FMO3: variants seen among roughly 807,000 people sequenced by gnomAD.
The protein encoded by FMO3 is flavin containing dimethylaniline monoxygenase 3, also known as flavin-containing monooxygenase 3.
A neutral mutation model predicts 39.4 loss-of-function variants in FMO3; 40 were observed. The ratio of observed to expected loss-of-function variants is 1.02; its 90% CI spans 0.79 to 1.32. FMO3 has a LOEUF of 1.32. FMO3 is among the 40% of genes most tolerant of loss of function. The pLI is 0.00. For synonymous variants in FMO3, 219 were observed against 228.8 expected, an observed-to-expected ratio of 0.96 and a Z score of 0.39; for missense variants, 680 against 651.8, an observed-to-expected ratio of 1.04 and a Z score of -0.47.
chr1:171,098,811 GA>G lies in FMO3; in HGVS notation c.133-4972del, dbSNP rs1293276425. On this transcript the variant is annotated intron_variant, in intron 2 of 8. Coordinates refer to ENST00000367755, the MANE Select transcript of FMO3 (RefSeq NM_001002294.3). ...TTCTCCTGCCTGATTTCCCTGGCCA[GA>G]ACTTCCAACACTATGTTGAATAGGA... is the stretch of plus-strand genomic sequence containing the variant. Among the ~76,000 whole-genome samples the G allele has an allele frequency of 2.6e-5, 4 of 152,158 alleles. No homozygotes were observed. The East Asian group carries it at 7.7e-4, about 29-fold the overall frequency.
At chr1:171,111,241 C>T (rs1277163017) in intron 6 of FMO3, among the ~76,000 whole-genome samples, 2 of 152,082 alleles carry the variant, frequency 1.3e-5, no homozygotes, top group African/African-American at 4.8e-5. Flanking sequence ...TCAAAGTTAA[C>T]CTCTTTTAAG....
chr1:171,095,601 A>C lies in FMO3; in HGVS notation c.132+2811A>C, dbSNP rs1016543546. 2.0e-5 allele frequency among the ~76,000 whole-genome samples: 3 copies of C among 151,070 alleles called. No individual in the cohort carries two copies. The Admixed American group carries it at 2.0e-4, about 10-fold the overall frequency. On this transcript the variant is annotated intron_variant, in intron 2 of 8. Transcript: ENST00000367755. ...ATGAAAAGGTTGTATTTAATGAAAC[A>C]GTGTCTGTAACAGCTGTTTAAATAT...
chr1:171,095,984 ATTTT>A, intron 2 of FMO3, among the ~76,000 whole-genome samples: 1 of 16,720 alleles, frequency 6.0e-5, no homozygotes, highest in African/African-American at 2.3e-4. Context: ...ATATAGATAT[ATTTT>A]ATATATTTTT....
chr1:171,113,834 C>T (rs1055261651), intron 6 of FMO3, among the ~76,000 whole-genome samples, 173 bp from the exon 7 acceptor site: 10 of 152,266 alleles, frequency 6.6e-5, no homozygotes, highest in African/African-American at 2.4e-4. Flanking sequence ...ACTTCTCTTA[C>T]TTCCCAATGT....
intron 2 of FMO3, chr1:171,101,832 TA>T: frequency 2.3e-6 from 1 of 442,534 alleles, no homozygotes. Flanking sequence ...CCCCAAACAA[TA>T]AATCAGTAAA....
chr1:171,108,329 A>G (rs1170537532), intron 5 of FMO3, 108 bp downstream of exon 5: 1 of 1,329,666 alleles, frequency 7.5e-7, no homozygotes, highest in Non-Finnish European at 1.1e-6. Flanking sequence ...TATCTGATGT[A>G]AAGACTAAGT....
At chr1:171,095,177 G>A (rs1007069001) in intron 2 of FMO3, among the ~76,000 whole-genome samples, 1 of 152,022 alleles carries the variant, frequency 6.6e-6, no homozygotes, top group Non-Finnish European at 1.5e-5. Context: ...CATTGTTGTT[G>A]GCTTTTCCCA....
At chr1:171,115,975 A>G (rs1656127830) in intron 7 of FMO3, among the ~76,000 whole-genome samples, 2 of 152,254 alleles carry the variant, frequency 1.3e-5, no homozygotes, top group Non-Finnish European at 2.9e-5. Context: ...AAATATATCT[A>G]TGAAACTGTT....
chr1:171,109,853 C>A (rs991231553), intron 5 of FMO3, among the ~76,000 whole-genome samples: 1 of 152,028 alleles, frequency 6.6e-6, no homozygotes, highest in African/African-American at 2.4e-5. Flanking sequence ...CCTTTAGTCT[C>A]TTCTTGTCTA....
rs1050036270 is a variant in FMO3 at position 171,102,193 on chromosome 1, C to T, written c.133-1592C>T. 3.9e-5 allele frequency among the ~76,000 whole-genome samples: 6 copies of T among 152,088 alleles called. No individual in the cohort carries two copies. In the East Asian group the frequency reaches 5.8e-4, roughly 15 times the overall value. On this transcript the variant is annotated intron_variant, in intron 2 of 8. Transcript: ENST00000367755. ...AAACTGCAGCCACATTGGCTTTTGA[C>T]GTGATTGTAATATTCCAATATTATA...
At chr1:171,104,955 G>A (rs752996008) in intron 3 of FMO3, among the ~76,000 whole-genome samples, 17 of 152,010 alleles carry the variant, frequency 1.1e-4, no homozygotes, top group East Asian at 3.9e-4. Context: ...ATAATATTGC[G>A]AAGGAAAGGA....
chr1:171,116,349 A>G (rs929903275), intron 8 of FMO3, 69 bp downstream of exon 8: 1 of 839,294 alleles, frequency 1.2e-6, no homozygotes, highest in Non-Finnish European at 2.0e-6. Flanking sequence ...AATGCTTGGA[A>G]CTGTTTTAAT....
chr1:171,108,362 C>T lies in FMO3; in HGVS notation c.627+141C>T, dbSNP rs944050600. The T allele has an allele frequency of 1.3e-4, 89 of 672,652 alleles. 1 individual carries two copies. Among genetic ancestry groups the T allele is most frequent in the South Asian group, 1.2e-3 (71 of 60,756 alleles). 41.7% of individuals were successfully genotyped at this position (672,652 alleles called of 1,614,324 possible). A position where few individuals can be genotyped will look rare whatever the true frequency, so the allele number is the denominator to read the frequency against. On this transcript the variant is annotated intron_variant, in intron 5 of 8. Coordinates refer to ENST00000367755, the MANE Select transcript of FMO3 (RefSeq NM_001002294.3). Reference sequence around the variant, plus strand: ...AGTGGTATTTCACATAGCTGAGCTTCCCCAAGTAACAGGTGAGGTTTTAAA... The same window carrying T: ...AGTGGTATTTCACATAGCTGAGCTTTCCCAAGTAACAGGTGAGGTTTTAAA...
chr1:171,093,598 C>G (rs920028199), intron 2 of FMO3, among the ~76,000 whole-genome samples: 2 of 151,678 alleles, frequency 1.3e-5, no homozygotes, highest in African/African-American at 4.9e-5. Flanking sequence ...TATTGGACAA[C>G]AAGGTTGATT....
chr1:171,096,271 A>T (rs1202675047), intron 2 of FMO3, among the ~76,000 whole-genome samples: 1 of 51,888 alleles, frequency 1.9e-5, no homozygotes, highest in Non-Finnish European at 3.0e-5. Flanking sequence ...TATATATATA[A>T]ATATTATATA....
intron 2 of FMO3, among the ~76,000 whole-genome samples, chr1:171,094,944 T>C (rs889294875): frequency 3.9e-5 from 6 of 152,212 alleles, no homozygotes; most frequent in Non-Finnish European, 8.8e-5. Flanking sequence ...CATATGAATT[T>C]TTAGAATTGT....
Position 171,117,616 on chromosome 1 carries a change from T to C in FMO3, c.*174T>C, listed in dbSNP as rs1481101709. On this transcript the variant is annotated 3_prime_UTR_variant, in exon 9 of 9. Transcript: ENST00000367755. ...TTTCTAGGCTCTGAAATAGCCACTT[T>C]AAGAATCATGTCATGATCTTAAGAG... is the stretch of plus-strand genomic sequence containing the variant. 1 of 579,004 alleles carries C rather than the reference T, an allele frequency of 1.7e-6. No individual in the cohort carries two copies. The highest frequency in any genetic ancestry group is 3.0e-6 in the Non-Finnish European group (1 of 329,626). 35.9% of individuals were successfully genotyped at this position (579,004 alleles called of 1,614,324 possible). A position where few individuals can be genotyped will look rare whatever the true frequency, so the allele number is the denominator to read the frequency against.
intron 6 of FMO3, 82 bp from the exon 7 acceptor site, chr1:171,113,921 TTTCC>T (rs1177134241): frequency 3.0e-6 from 3 of 1,001,186 alleles, no homozygotes; most frequent in South Asian, 1.7e-5. Context: ...TGGGTCATTT[TTTCC>T]TTCCTTATCA....
chr1:171,117,649 A>C lies in FMO3; in HGVS notation c.*207A>C. The C allele has an allele frequency of 2.1e-6, 1 of 481,290 alleles. No individual in the cohort carries two copies. The highest frequency in any genetic ancestry group is 3.7e-6 in the Non-Finnish European group (1 of 273,284). The allele number at this position is 481,290 out of a possible 1,614,324, so 29.8% of individuals were successfully genotyped here. ...ATGTCATGATCTTAAGAGAGCACTA[A>C]TCATTTCTGTTTGAGTTCCACTAAC... On this transcript the variant is annotated 3_prime_UTR_variant, in exon 9 of 9. Coordinates refer to ENST00000367755, the MANE Select transcript of FMO3 (RefSeq NM_001002294.3).
Sources: allele counts gnomAD v4.1 joint callset (sites outside exome capture counted in the v4.1 genomes callset), GRCh38; gene constraint gnomAD v4.1.1; transcripts MANE v1.5; gene names NCBI Gene and HGNC (gene_info 2026-07-23, HGNC 2026-07-21).